TRIM66: variants seen among roughly 807,000 people sequenced by gnomAD.
The protein encoded by TRIM66 is tripartite motif containing 66.
TRIM66 carries 99 observed loss-of-function variants against 148.2 expected under a neutral mutation model. That is an observed-to-expected ratio of 0.67 (90% CI 0.57 to 0.79). TRIM66 has a LOEUF of 0.79. Among genes scored for constraint, TRIM66 ranks in the 30% least tolerant of loss-of-function variants. TRIM66 has a pLI of 0.00. For missense variants in TRIM66, 1,666 were observed against 1,697.9 expected (o/e 0.98, Z 0.33); for synonymous variants, 616 against 635.9 (o/e 0.97, Z 0.47).
At chr11:8,644,954 ACT>A (rs773503918) in intron 12 of TRIM66, among the ~76,000 whole-genome samples, 45 of 152,152 alleles carry the variant, frequency 3.0e-4, no homozygotes, top group Middle Eastern at 6.9e-3. Flanking sequence ...TGTGTACCAC[ACT>A]CTGTTTTGCT....
chr11:8,620,150 G>T (rs1297881316), intron 21 of TRIM66, 26 bp from the exon 22 acceptor site: 13 of 1,548,660 alleles, frequency 8.4e-6, no homozygotes, highest in Non-Finnish European at 1.0e-5. Flanking sequence ...TGGCAACAGA[G>T]TCACTTTGTT....
Position 8,622,842 on chromosome 11 carries a change from C to T in TRIM66, c.3054G>A (p.Leu1018=), listed in dbSNP as rs1191116857. ...TGATGCTCTGGTTCTCTTTTGCATC[C>T]AGCTCTAGGGCTCCTTGTTCAAAAT... The part of the protein sequence containing the change: ...CENFEQGALE[L]DAKENQSIRA... Residue 1018 remains leucine (L), a synonymous_variant, in exon 18 of 25, where the codon CTG becomes CTA. Coordinates refer to ENST00000646038, the MANE Select transcript of TRIM66 (RefSeq NM_001388022.1). The T allele has an allele frequency of 6.4e-7, 1 of 1,551,978 alleles. No homozygotes were observed. The highest frequency in any genetic ancestry group is 2.0e-5 in the Admixed American group (1 of 51,006).
intron 22 of TRIM66, 28 bp downstream of exon 22, chr11:8,620,022 G>T: frequency 6.5e-7 from 1 of 1,545,244 alleles, no homozygotes; most frequent in Non-Finnish European, 8.8e-7. Context: ...GCAAGGAGAA[G>T]GTGAGAGAAC....
At chr11:8,646,602 T>C (rs974949202) in intron 10 of TRIM66, 41 bp from the exon 11 acceptor site, 10 of 1,476,152 alleles carry the variant, frequency 6.8e-6, no homozygotes, top group African/African-American at 1.4e-5. Flanking sequence ...GCTTTCCTCA[T>C]GGACTATATG....
intron 6 of TRIM66, among the ~76,000 whole-genome samples, chr11:8,666,048 T>G (rs974786482): frequency 3.3e-5 from 5 of 151,190 alleles, no homozygotes; most frequent in African/African-American, 1.2e-4. Context: ...TACTAAAGAA[T>G]ATAAGAAGCT....
intron 6 of TRIM66, among the ~76,000 whole-genome samples, chr11:8,670,374 T>G (rs1427037656): frequency 6.6e-6 from 1 of 152,186 alleles, no homozygotes; most frequent in Non-Finnish European, 1.5e-5. Flanking sequence ...GGTCCCAGTA[T>G]CTGCTGATGC....
chr11:8,682,926 C>T (rs1478103928), upstream of TRIM66: 19 of 1,399,082 alleles, frequency 1.4e-5, no homozygotes, highest in Non-Finnish European at 1.8e-5. Flanking sequence ...TTCCAGGCTG[C>T]GCATGGCCGC....
chr11:8,679,456 A>G lies in TRIM66; in HGVS notation c.-190+164T>C, dbSNP rs145122095. 3.8e-3 allele frequency: 579 copies of G among 152,722 alleles called. 10 individuals carry two copies. The highest frequency in any genetic ancestry group is 1.2e-3 in the Non-Finnish European group (82 of 68,066). The allele number at this position is 152,722 out of a possible 1,614,324, so 9.5% of individuals were successfully genotyped here. A position where few individuals can be genotyped will look rare whatever the true frequency, so the allele number is the denominator to read the frequency against. ...TTCAGCCGCGTGACCTGAGGGACAG[A>G]ACGTAGCTCCTCTATAACCAAGGAA... On this transcript the variant is annotated intron_variant, in intron 3 of 24. Coordinates refer to ENST00000646038, the MANE Select transcript of TRIM66 (RefSeq NM_001388022.1).
intron 4 of TRIM66, among the ~76,000 whole-genome samples, chr11:8,672,890 C>G (rs915368469): frequency 6.6e-6 from 1 of 151,430 alleles, no homozygotes; most frequent in Non-Finnish European, 1.5e-5. Flanking sequence ...CTTGGCCTCC[C>G]AAAGTGCTGG....
chr11:8,661,969 T>C (rs544254913), intron 6 of TRIM66, among the ~76,000 whole-genome samples: 2 of 152,310 alleles, frequency 1.3e-5, no homozygotes, highest in Admixed American at 1.3e-4. Context: ...CTCCTTTCCA[T>C]TACCGGGGGA....
chr11:8,618,817 G>A lies in TRIM66; in HGVS notation c.4052C>T (p.Pro1351Leu). Residue 1351 changes from proline to leucine, a missense_variant, in exon 24 of 25, where the codon CCC (proline) becomes CTC (leucine). By Grantham distance (98) the Pro-to-Leu change is moderately conservative (BLOSUM62 -3). This residue lies in a region of TRIM66 where 204 missense variants were observed against 231.0 expected (regional missense o/e 0.88). Transcript: ENST00000646038. ...EVSSESGCSTPQGFPWPPYMQ... is the reference protein window; with the variant it reads ...EVSSESGCSTLQGFPWPPYMQ... ...GTAGGGAGGCCACGGGAAGCCCTGG[G>A]GAGTGGAACATCCACTCTCACTAGA... 1 of 1,551,408 alleles carries A rather than the reference G, an allele frequency of 6.4e-7. No homozygotes were observed.
At position 8,621,763 on chromosome 11, in the gene TRIM66, C is replaced by T. The variant is rs1158741857; in HGVS notation, c.3137G>A (p.Cys1046Tyr). 6.4e-7 allele frequency: 1 copy of T among 1,551,444 alleles called. No individual in the cohort carries two copies. The highest frequency in any genetic ancestry group is 1.2e-5 in the South Asian group (1 of 84,020). The change falls in exon 19 of 25, where the codon TGT becomes TAT. Residue 1046 changes from cysteine (C) to tyrosine (Y), a missense_variant. Physicochemically the swap from Cys to Tyr is radical, Grantham distance 194. Around this residue, in one of 3 missense-constraint regions of TRIM66, gnomAD observed 1,431 missense variants for 1,412.4 expected, o/e 1.01. Transcript: ENST00000646038. Reference sequence around the variant, plus strand: ...AGGCATCTCTCCTGAGGAGGCAGCACAGATCTTGAGTCGCTCCAGTCGCAC... The same window carrying T: ...AGGCATCTCTCCTGAGGAGGCAGCATAGATCTTGAGTCGCTCCAGTCGCAC... Reference protein sequence around the residue: ...PYVRLERLKICAASSGEMPVF... With the variant: ...PYVRLERLKIYAASSGEMPVF...
At position 8,617,825 on chromosome 11, in the gene TRIM66, C is replaced by T; in HGVS notation, c.*119G>A. 2.1e-6 allele frequency: 2 copies of T among 956,336 alleles called. No individual in the cohort carries two copies. Among genetic ancestry groups the T allele is most frequent in the Non-Finnish European group, 3.3e-6 (2 of 613,008 alleles). 59.2% of individuals were successfully genotyped at this position (956,336 alleles called of 1,614,324 possible). ...ATGCAAATGGCAAAGAAGAGCACTA[C>T]ACAGTTCAACAAGACTCATCTACCA... On this transcript the variant is annotated 3_prime_UTR_variant, in exon 25 of 25. Coordinates refer to ENST00000646038, the MANE Select transcript of TRIM66 (RefSeq NM_001388022.1).
rs1230611456 is a variant in TRIM66 at position 8,640,939 on chromosome 11, C to A, written c.1436G>T (p.Gly479Val). The change falls in exon 14 of 25, where the codon GGC (glycine) becomes GTC (valine). Residue 479 changes from glycine (G) to valine (V), a missense_variant. By Grantham distance (109) the Gly-to-Val change is moderately radical. Coordinates refer to ENST00000646038, the MANE Select transcript of TRIM66 (RefSeq NM_001388022.1). ...GTGTATGCTGGGTGGGGGGACCTGG[C>A]CTTTGAGGGAAGGCGAGACTGGGGA... is the stretch of plus-strand genomic sequence containing the variant. ...HCSPVSPSLK[G>V]QVPPPSIHPA... 1.9e-6 allele frequency: 3 copies of A among 1,550,878 alleles called. No homozygotes were observed. Among genetic ancestry groups the A allele is most frequent in the Non-Finnish European group, 2.6e-6 (3 of 1,146,950 alleles).
chr11:8,631,959 G>C (rs1453096497), intron 15 of TRIM66, among the ~76,000 whole-genome samples: 4 of 152,146 alleles, frequency 2.6e-5, no homozygotes, highest in Non-Finnish European at 4.4e-5. Context: ...AATAGAAAAA[G>C]GGACCACAGA....
At position 8,671,812 on chromosome 11, in the gene TRIM66, G is replaced by A. The variant is rs2038949832; in HGVS notation, c.314C>T (p.Ala105Val). The change falls in exon 6 of 25, where the codon GCC becomes GTC. Residue 105 changes from alanine to valine, a missense_variant. Transcript: ENST00000646038. ...ATCTGCAACAGTCTCATGAGCCTTGGCAATCTGCCCTAGCTCCTGTATCAA... is the reference window on the plus strand; with the variant it reads ...ATCTGCAACAGTCTCATGAGCCTTGACAATCTGCCCTAGCTCCTGTATCAA... ...QGLIQELGQI[A>V]KAHETVADEL... is the part of the protein sequence containing the mutation. 1 of 1,488,544 alleles carries A rather than the reference G, an allele frequency of 6.7e-7. No individual in the cohort carries two copies. The highest frequency in any genetic ancestry group is 9.1e-7 in the Non-Finnish European group (1 of 1,103,404). 92.2% of individuals were successfully genotyped at this position (1,488,544 alleles called of 1,614,324 possible). A position where few individuals can be genotyped will look rare whatever the true frequency, so the allele number is the denominator to read the frequency against.
rs185816221 is a variant in TRIM66, at chr11:8,634,367, C to T, written c.2310+4287G>A. Among the ~76,000 whole-genome samples the T allele has an allele frequency of 2.2e-4, 33 of 152,306 alleles. No homozygotes were observed. In the East Asian group the frequency reaches 6.0e-3, roughly 28 times the overall value. ...GTTTTTTTGTAGAGACTGGGTTTCA[C>T]CATGTTGCCCAGGCTGGTCTCGAGC... On this transcript the variant is annotated intron_variant, in intron 15 of 24. Transcript: ENST00000646038.
intron 4 of TRIM66, among the ~76,000 whole-genome samples, chr11:8,674,300 T>C (rs1345377930): frequency 1.3e-5 from 2 of 152,222 alleles, no homozygotes; most frequent in South Asian, 2.1e-4. Context: ...AAAACATTAA[T>C]TTTCATAAAA....
Position 8,682,653 on chromosome 11 carries a change from A to C in TRIM66, c.-600T>G. On this transcript the variant is annotated 5_prime_UTR_variant, in exon 1 of 25. Coordinates refer to ENST00000646038, the MANE Select transcript of TRIM66 (RefSeq NM_001388022.1). ...TCCGTGATGGGGGATCACCACCCTC[A>C]GAAAGAGGAAGCGACTAGCAGGCGC... The C allele has an allele frequency of 1.3e-6, 1 of 791,016 alleles. No homozygotes were observed. The highest frequency in any genetic ancestry group is 2.2e-6 in the Non-Finnish European group (1 of 454,816). 49.0% of individuals were successfully genotyped at this position (791,016 alleles called of 1,614,324 possible).
Sources: allele counts gnomAD v4.1 joint callset (sites outside exome capture counted in the v4.1 genomes callset), GRCh38; gene constraint gnomAD v4.1.1; regional missense constraint gnomAD v4.1.1; transcripts MANE v1.5; gene names NCBI Gene and HGNC (gene_info 2026-07-23, HGNC 2026-07-21).